NTM: variants seen among roughly 807,000 people sequenced by gnomAD.
The protein encoded by NTM is IgLON family member 2.
Under a neutral mutation model 42.1 loss-of-function variants are expected in NTM, and 13 were observed. The ratio of observed to expected loss-of-function variants is 0.31; its 90% confidence interval spans 0.20 to 0.49. NTM has a LOEUF of 0.49. Among genes scored for constraint, NTM ranks in the 20% least tolerant of loss-of-function variants. The pLI is 0.99. For synonymous variants in NTM, 187 were observed against 179.2 expected (o/e 1.04, Z -0.35); for missense variants, 373 against 452.8 (o/e 0.82, Z 1.60).
chr11:131,907,806 G>C (rs1316830508), intron 1 of NTM, among the ~76,000 whole-genome samples: 1 of 152,128 alleles, frequency 6.6e-6, no homozygotes, highest in Non-Finnish European at 1.5e-5. Context: ...AATAAATCCA[G>C]CAGTTTTTAT....
At chr11:131,607,248 C>T (rs557059139) in intron 1 of NTM, among the ~76,000 whole-genome samples, 1 of 152,278 alleles carries the variant, frequency 6.6e-6, no homozygotes, top group African/African-American at 2.4e-5. Flanking sequence ...ACTCAGGAGG[C>T]CTGAAGCTGC....
At chr11:131,702,386 CTCA>C (rs2076165122) in intron 1 of NTM, among the ~76,000 whole-genome samples, 2 of 152,300 alleles carry the variant, frequency 1.3e-5, no homozygotes, top group South Asian at 4.1e-4. Context: ...TTAAAATGAT[CTCA>C]TCATCACAAC....
At chr11:132,328,649 C>A (rs983533868) in intron 7 of NTM, among the ~76,000 whole-genome samples, 4 of 152,076 alleles carry the variant, frequency 2.6e-5, no homozygotes, top group South Asian at 4.2e-4. Context: ...TGGATGAGCC[C>A]CCCAAAACTG....
At chr11:132,331,640 A>G (rs567799362) in intron 8 of NTM, among the ~76,000 whole-genome samples, 1 of 152,270 alleles carries the variant, frequency 6.6e-6, no homozygotes, top group East Asian at 1.9e-4. Context: ...CTCTTAAGGA[A>G]CTTACTGCAC....
At chr11:131,629,689 C>T (rs1311001483) in intron 1 of NTM, among the ~76,000 whole-genome samples, 3 of 152,188 alleles carry the variant, frequency 2.0e-5, no homozygotes, top group Admixed American at 1.3e-4. Context: ...AGAGTATTTA[C>T]ATTCGGTTGG....
intron 3 of NTM, among the ~76,000 whole-genome samples, chr11:132,178,710 G>A (rs1033490745): frequency 6.6e-6 from 1 of 152,074 alleles, no homozygotes; most frequent in African/African-American, 2.4e-5. Context: ...GATGGGGGAA[G>A]AATGTTCATC....
intron 4 of NTM, among the ~76,000 whole-genome samples, chr11:132,303,302 T>TGACA (rs1477092058): frequency 6.6e-6 from 1 of 152,228 alleles, no homozygotes; most frequent in Non-Finnish European, 1.5e-5. Flanking sequence ...ATGCTCTCTC[T>TGACA]GACAGTGACA....
chr11:131,785,528 G>T (rs911312522), intron 1 of NTM, among the ~76,000 whole-genome samples: 9 of 152,242 alleles, frequency 5.9e-5, no homozygotes, highest in Non-Finnish European at 1.3e-4. Flanking sequence ...GAAAGAGCAT[G>T]CTGGTTTTCT....
At chr11:131,438,741 T>C (rs1949355759) in intron 1 of NTM, among the ~76,000 whole-genome samples, 1 of 152,232 alleles carries the variant, frequency 6.6e-6, no homozygotes, top group African/African-American at 2.4e-5. Flanking sequence ...CTCCTTTAGC[T>C]TGGAGAAGTT....
intron 3 of NTM, among the ~76,000 whole-genome samples, chr11:132,181,352 T>G (rs1592062843): frequency 6.6e-6 from 1 of 152,362 alleles, no homozygotes; most frequent in South Asian, 2.1e-4. Flanking sequence ...GATTATGATT[T>G]AGGCAGTCAT....
chr11:131,662,656 C>T (rs551595362), intron 1 of NTM, among the ~76,000 whole-genome samples: 10 of 152,286 alleles, frequency 6.6e-5, no homozygotes, highest in South Asian at 2.1e-4. Flanking sequence ...CGGGAACATT[C>T]GTGTGTTTTT....
At chr11:131,718,069 T>G (rs2077910080) in intron 1 of NTM, among the ~76,000 whole-genome samples, 1 of 152,238 alleles carries the variant, frequency 6.6e-6, no homozygotes, top group African/African-American at 2.4e-5. Context: ...TACATGGCCC[T>G]GATGTATACT....
intron 4 of NTM, among the ~76,000 whole-genome samples, chr11:132,259,782 C>G (rs1003158456): frequency 3.9e-5 from 6 of 151,910 alleles, no homozygotes; most frequent in Admixed American, 2.0e-4. Context: ...CGGAGTCTCT[C>G]TCTGTCGCCC....
chr11:131,696,830 G>T (rs1344779019), intron 1 of NTM, among the ~76,000 whole-genome samples: 1 of 150,932 alleles, frequency 6.6e-6, no homozygotes, highest in Non-Finnish European at 1.5e-5. Context: ...CACAACCCTT[G>T]CCAATAAATC....
At chr11:131,793,435 A>G (rs1234927870) in intron 1 of NTM, among the ~76,000 whole-genome samples, 2 of 152,222 alleles carry the variant, frequency 1.3e-5, no homozygotes, top group East Asian at 1.9e-4. Flanking sequence ...ACTGTGCCCA[A>G]TACTTTACTG....
chr11:131,601,347 G>C (rs1420775518), intron 1 of NTM, among the ~76,000 whole-genome samples: 5 of 152,188 alleles, frequency 3.3e-5, no homozygotes, highest in African/African-American at 1.2e-4. Flanking sequence ...GTTTGGCAGA[G>C]TCATCTGACC....
intron 1 of NTM, chr11:131,605,721 T>C (rs1342548443): frequency 6.7e-6 from 6 of 889,020 alleles, no homozygotes; most frequent in Admixed American, 6.2e-5. Flanking sequence ...TTTCTATTCC[T>C]AGCTTGTTGA....
At chr11:131,585,413 C>T (rs1407882215) in intron 1 of NTM, among the ~76,000 whole-genome samples, 1 of 152,164 alleles carries the variant, frequency 6.6e-6, no homozygotes, top group African/African-American at 2.4e-5. Flanking sequence ...GGAGACACTC[C>T]TCAGGCCCTC....
intron 1 of NTM, among the ~76,000 whole-genome samples, chr11:131,685,516 C>T (rs189958892): frequency 8.5e-5 from 13 of 152,302 alleles, no homozygotes; most frequent in Admixed American, 2.0e-4. Flanking sequence ...GTCCCCTGTA[C>T]GCCAAGCACA....
Sources: gnomAD v4.1 joint callset for allele counts (sites outside exome capture counted in the v4.1 genomes callset) on GRCh38, gnomAD v4.1.1 for gene constraint, MANE v1.5 for transcripts, NCBI Gene and HGNC (gene_info 2026-07-23, HGNC 2026-07-21) for gene names.